The following NIPAL2 variants were observed in gnomAD, a reference collection of about 807,000 sequenced individuals.
NIPAL2 encodes NIPA like domain containing 2, also known as NIPA-like protein 2.
In NIPAL2, 43 loss-of-function variants were observed where a neutral mutation model predicts 48.9. The observed-to-expected ratio is 0.88, with a 90% CI of 0.69 to 1.13. The LOEUF is 1.13. NIPAL2 is among the 50% of genes most tolerant of loss of function. The pLI is 0.00. For synonymous variants in NIPAL2, 167 were observed against 174.6 expected (o/e 0.96, Z 0.34); for missense variants, 446 against 461.4 (o/e 0.97, Z 0.31).
chr8:98,271,947 G>C (rs1055878947), intron 1 of NIPAL2, among the ~76,000 whole-genome samples: 4 of 151,790 alleles, frequency 2.6e-5, no homozygotes, highest in African/African-American at 7.3e-5. Context: ...CGTCTATTGA[G>C]ATGATCATGT....
At chr8:98,244,791 T>A (rs1324847399) in intron 3 of NIPAL2, among the ~76,000 whole-genome samples, 1 of 152,168 alleles carries the variant, frequency 6.6e-6, no homozygotes, top group African/African-American at 2.4e-5. Flanking sequence ...TATTGTCCAA[T>A]TTTTACCCAT....
At chr8:98,258,919 T>C (rs990050528) in intron 1 of NIPAL2, among the ~76,000 whole-genome samples, 3 of 151,924 alleles carry the variant, frequency 2.0e-5, no homozygotes, top group Non-Finnish European at 4.4e-5. Context: ...TCAGCTGAAG[T>C]TTTTCTTTTA....
At chr8:98,193,316 A>C in intron 10 of NIPAL2, 1 of 1,548,676 alleles carries the variant, frequency 6.5e-7, no homozygotes, top group Non-Finnish European at 8.9e-7. Flanking sequence ...CCCACCCCAC[A>C]GGATCTACAT....
chr8:98,260,808 G>C (rs1441379735), intron 1 of NIPAL2, among the ~76,000 whole-genome samples: 4 of 152,212 alleles, frequency 2.6e-5, no homozygotes, highest in African/African-American at 9.6e-5. Context: ...GCCTCTGTAG[G>C]CTCCACCTCT....
chr8:98,195,017 T>C (rs986250020), intron 9 of NIPAL2, among the ~76,000 whole-genome samples, 195 bp from the exon 10 acceptor site: 1 of 152,214 alleles, frequency 6.6e-6, no homozygotes, highest in African/African-American at 2.4e-5. Context: ...CTTGGGCAGA[T>C]TCCAGTAGAT....
chr8:98,205,827 T>C (rs1397925907), intron 6 of NIPAL2, among the ~76,000 whole-genome samples: 2 of 152,168 alleles, frequency 1.3e-5, no homozygotes, highest in African/African-American at 4.8e-5. Context: ...AGAAGTTTCA[T>C]TAAGAATATT....
intron 1 of NIPAL2, among the ~76,000 whole-genome samples, chr8:98,288,018 T>C (rs537478638): frequency 8.5e-5 from 13 of 152,320 alleles, no homozygotes; most frequent in African/African-American, 2.9e-4. Context: ...AATGCTAGTA[T>C]TATTTTTTAT....
At chr8:98,247,862 C>T (rs1165254435) in intron 3 of NIPAL2, among the ~76,000 whole-genome samples, 1 of 152,170 alleles carries the variant, frequency 6.6e-6, no homozygotes, top group Non-Finnish European at 1.5e-5. Context: ...AATATCTAAC[C>T]TATTTCTTTG....
chr8:98,235,911 TATTA>T (rs1227091704), intron 4 of NIPAL2, among the ~76,000 whole-genome samples: 47 of 151,738 alleles, frequency 3.1e-4, no homozygotes, highest in Admixed American at 1.6e-3. Flanking sequence ...TCATTATAAT[TATTA>T]ATTAATAATT....
chr8:98,203,108 C>G lies in NIPAL2; in HGVS notation c.880G>C (p.Gly294Arg), dbSNP rs1343580308. The G allele has an allele frequency of 1.2e-6, 2 of 1,611,706 alleles. No homozygotes were observed. The highest frequency in any genetic ancestry group is 1.7e-6 in the Non-Finnish European group (2 of 1,177,940). The change falls in exon 8 of 11, where the codon GGT (glycine) becomes CGT (arginine). Residue 294 changes from glycine (G) to arginine (R), a missense_variant and splice_region_variant. Gly to Arg is a moderately radical substitution (Grantham distance 125). Coordinates refer to ENST00000430223, the MANE Select transcript of NIPAL2 (RefSeq NM_001321635.2). ...IFFTISAIIA[G>R]IIFYQEFLGA... Reference sequence around the variant, plus strand: ...CAATGTATAGAAAACCAAAACTCACCTGCAATGATGGCACTGATTGTAAAG... The same window carrying G: ...CAATGTATAGAAAACCAAAACTCACGTGCAATGATGGCACTGATTGTAAAG...
chr8:98,286,812 CAA>C (rs1182876107), intron 1 of NIPAL2, among the ~76,000 whole-genome samples: 1,300 of 57,758 alleles, frequency 0.023, 8 homozygotes, highest in African/African-American at 0.079. Context: ...GAGACTCTGT[CAA>C]AAAAAAAAAA....
intron 1 of NIPAL2, among the ~76,000 whole-genome samples, chr8:98,262,797 C>T (rs1416968403): frequency 1.3e-5 from 2 of 151,364 alleles, no homozygotes; most frequent in Non-Finnish European, 3.0e-5. Context: ...ATCTACAGAA[C>T]TCTCCACCCC....
intron 3 of NIPAL2, among the ~76,000 whole-genome samples, chr8:98,245,510 C>T (rs143706109): frequency 6.6e-6 from 1 of 152,164 alleles, no homozygotes; most frequent in African/African-American, 2.4e-5. Flanking sequence ...AAGGAACTGT[C>T]GTTCAGAGAC....
chr8:98,217,253 TA>T (rs1811623321), intron 5 of NIPAL2: 2 of 985,452 alleles, frequency 2.0e-6, no homozygotes, highest in African/African-American at 3.5e-5. Flanking sequence ...GGCTTCCATT[TA>T]ATGTAAATCT....
intron 8 of NIPAL2, among the ~76,000 whole-genome samples, chr8:98,197,513 T>C (rs1023617374): frequency 6.6e-6 from 1 of 152,214 alleles, no homozygotes; most frequent in African/African-American, 2.4e-5. Flanking sequence ...ATTAACTCTT[T>C]CATGAAAGAT....
intron 1 of NIPAL2, among the ~76,000 whole-genome samples, chr8:98,282,075 T>C (rs1586483581): frequency 1.3e-5 from 2 of 152,332 alleles, no homozygotes; most frequent in Non-Finnish European, 2.9e-5. Flanking sequence ...TAGATGCAGA[T>C]ATCTTTTGCT....
chr8:98,283,692 G>T (rs1815987633), intron 1 of NIPAL2, among the ~76,000 whole-genome samples: 1 of 152,166 alleles, frequency 6.6e-6, no homozygotes, highest in African/African-American at 2.4e-5. Flanking sequence ...AGCTCTGTCA[G>T]CTGCAATGCT....
intron 8 of NIPAL2, among the ~76,000 whole-genome samples, chr8:98,201,921 A>G (rs1196546929): frequency 6.6e-6 from 1 of 152,186 alleles, no homozygotes; most frequent in Non-Finnish European, 1.5e-5. Context: ...TAGGAAACAG[A>G]CAATCCTCAG....
At chr8:98,260,820 GGGGCAGGGCACA>G (rs1814270943) in intron 1 of NIPAL2, among the ~76,000 whole-genome samples, 1 of 152,188 alleles carries the variant, frequency 6.6e-6, no homozygotes. Context: ...TCCACCTCTG[GGGGCAGGGCACA>G]GACAAACAAA....
Sources: gnomAD v4.1 joint callset for allele counts (sites outside exome capture counted in the v4.1 genomes callset) on GRCh38, gnomAD v4.1.1 for gene constraint, MANE v1.5 for transcripts, NCBI Gene and HGNC (gene_info 2026-07-23, HGNC 2026-07-21) for gene names.